NCOA6: variants seen among roughly 807,000 people sequenced by gnomAD.
NCOA6 encodes NRC RAP250.
NCOA6 carries 49 observed loss-of-function variants against 171.4 expected under a neutral mutation model. That is an observed-to-expected ratio of 0.29 (90% confidence interval 0.23 to 0.36). NCOA6 has a LOEUF of 0.36. Among genes scored for constraint, NCOA6 ranks in the 10% least tolerant of loss-of-function variants. The pLI is 1.00. For synonymous variants in NCOA6, 910 were observed against 927.5 expected (o/e 0.98, Z 0.34); for missense variants, 2,248 against 2,554.5 (o/e 0.88, Z 2.59).
chr20:34,738,876 T>C (rs113921126), intron 11 of NCOA6: 16,047 of 456,042 alleles, frequency 0.035, 397 homozygotes, highest in Non-Finnish European at 0.054. Context: ...TTTGTGTTCT[T>C]TCTGCCTCTC....
At chr20:34,816,926 G>C (rs1159938173) in intron 1 of NCOA6, among the ~76,000 whole-genome samples, 1 of 151,692 alleles carries the variant, frequency 6.6e-6, no homozygotes, top group Non-Finnish European at 1.5e-5. Flanking sequence ...TTCGAGACCA[G>C]CCTGACCAAT....
At chr20:34,760,722 A>G (rs886873478) in intron 5 of NCOA6, among the ~76,000 whole-genome samples, 2 of 152,226 alleles carry the variant, frequency 1.3e-5, no homozygotes, top group Admixed American at 6.5e-5. Flanking sequence ...TTATTAAATT[A>G]TAATTTTGCC....
intron 2 of NCOA6, among the ~76,000 whole-genome samples, chr20:34,790,345 A>T (rs938068169): frequency 4.6e-5 from 7 of 151,910 alleles, no homozygotes; most frequent in Non-Finnish European, 8.8e-5. Context: ...TATTTATTTT[A>T]TTATTTATTT....
Position 34,782,315 on chromosome 20 carries a change from G to A in NCOA6, c.41C>T (p.Thr14Ile). 6.2e-7 allele frequency: 1 copy of A among 1,610,650 alleles called. No individual in the cohort carries two copies. The change falls in exon 3 of 15, where the codon ACT (threonine) becomes ATT (isoleucine). Residue 14 changes from threonine (T) to isoleucine (I), a missense_variant. Thr to Ile is a moderately conservative substitution (Grantham distance 89, BLOSUM62 -1). Coordinates refer to ENST00000359003, the MANE Select transcript of NCOA6 (RefSeq NM_014071.5). ...TTCCATTGTTGATGAACACAAGGAAGTATAGATGTCTTCTAAGTTTGGAAG... is the reference window on the plus strand; with the variant it reads ...TTCCATTGTTGATGAACACAAGGAAATATAGATGTCTTCTAAGTTTGGAAG... Reference protein sequence around the residue: ...DDLPNLEDIYTSLCSSTMEDS... With the variant: ...DDLPNLEDIYISLCSSTMEDS...
intron 8 of NCOA6, among the ~76,000 whole-genome samples, chr20:34,751,242 C>T (rs6119518): frequency 0.021 from 3,052 of 148,292 alleles, 56 homozygotes; most frequent in Middle Eastern, 0.055. Context: ...CGGTGGCAGG[C>T]GCCTGTAGTC....
At chr20:34,765,448 A>AG (rs2076953558) in intron 5 of NCOA6, among the ~76,000 whole-genome samples, 1 of 151,998 alleles carries the variant, frequency 6.6e-6, no homozygotes, top group African/African-American at 2.4e-5. Context: ...TCAAAAAAAA[A>AG]AAAAAAAAAG....
intron 1 of NCOA6, among the ~76,000 whole-genome samples, chr20:34,811,742 T>C (rs1327121829): frequency 2.0e-5 from 3 of 152,188 alleles, no homozygotes; most frequent in Non-Finnish European, 4.4e-5. Context: ...ATTTCATGAA[T>C]GCCTCCATCT....
At chr20:34,824,105 C>G (rs2079085472) in intron 1 of NCOA6, among the ~76,000 whole-genome samples, 1 of 152,184 alleles carries the variant, frequency 6.6e-6, no homozygotes, top group Non-Finnish European at 1.5e-5. Flanking sequence ...TTCCCTTCAG[C>G]CTTTGTATTG....
chr20:34,756,684 A>G (rs745577075), intron 7 of NCOA6, among the ~76,000 whole-genome samples: 1 of 152,222 alleles, frequency 6.6e-6, no homozygotes, highest in South Asian at 2.1e-4. Context: ...TCTAAGGAGC[A>G]GGCATTGGCA....
chr20:34,736,494 C>A (rs1367386242), intron 12 of NCOA6, among the ~76,000 whole-genome samples, 196 bp downstream of exon 12: 1 of 152,148 alleles, frequency 6.6e-6, no homozygotes, highest in African/African-American at 2.4e-5. Flanking sequence ...CATGAGAGAG[C>A]AAGCTGGTCG....
At position 34,736,752 on chromosome 20, in the gene NCOA6, G is replaced by A. The variant is rs770451699; in HGVS notation, c.5900C>T (p.Ser1967Leu). The stretch of plus-strand genomic sequence containing the variant: ...AGTTTCCTTTGAGACTAAATTCTGC[G>A]ACGGGGCTAAGGCAAGGAAAAAAAA... ...HPELLPSIAP[S>L]QNLVSKETST... Residue 1967 changes from serine (S) to leucine (L), a missense_variant, in exon 12 of 15, where the codon TCG (serine) becomes TTG (leucine). Ser to Leu is a moderately radical substitution (Grantham distance 145). Around this residue, in one of 7 missense-constraint regions of NCOA6, gnomAD observed 884 missense variants for 941.9 expected, o/e 0.94. Coordinates refer to ENST00000359003, the MANE Select transcript of NCOA6 (RefSeq NM_014071.5). 6 of 1,610,140 alleles carry A rather than the reference G, an allele frequency of 3.7e-6. No homozygotes were observed. The Admixed American group carries it at 5.0e-5, about 14-fold the overall frequency.
intron 5 of NCOA6, among the ~76,000 whole-genome samples, chr20:34,761,569 C>T (rs1001060520): frequency 2.6e-5 from 4 of 151,868 alleles, no homozygotes; most frequent in African/African-American, 9.7e-5. Flanking sequence ...GAAACGTGCT[C>T]TTGGAATAAT....
rs757406536 is a variant in NCOA6 at position 34,740,982 on chromosome 20, G to A, written c.5274C>T (p.Pro1758=). ...TCAATTCTTTCACTTGCTGCACAGGGGGATGAGAAGGGACAACTGGAGAAG... is the reference window on the plus strand; with the variant it reads ...TCAATTCTTTCACTTGCTGCACAGGAGGATGAGAAGGGACAACTGGAGAAG... ...CTSSPVVPSH[P]PVQQVKELNP... Residue 1758 remains proline (P), a synonymous_variant, in exon 11 of 15, where the codon CCC becomes CCT. Transcript: ENST00000359003. 1 of 1,614,208 alleles carries A rather than the reference G, an allele frequency of 6.2e-7. No homozygotes were observed.
chr20:34,792,847 T>C (rs1206374790), intron 1 of NCOA6, among the ~76,000 whole-genome samples: 1 of 146,472 alleles, frequency 6.8e-6, no homozygotes, highest in African/African-American at 2.5e-5. Flanking sequence ...TAACAGATCA[T>C]AGCTCACTGC....
chr20:34,730,341 T>C (rs1012636257), intron 13 of NCOA6, among the ~76,000 whole-genome samples: 2 of 151,958 alleles, frequency 1.3e-5, no homozygotes, highest in African/African-American at 4.8e-5. Context: ...CCCTCCTTGG[T>C]CTCCCAAAAT....
intron 4 of NCOA6, among the ~76,000 whole-genome samples, chr20:34,771,897 C>A (rs981677849): frequency 2.0e-5 from 3 of 152,170 alleles, no homozygotes; most frequent in Non-Finnish European, 2.9e-5. Context: ...GAGCACATTC[C>A]ATGTAATCAT....
chr20:34,779,400 G>C (rs1416833898), intron 3 of NCOA6, among the ~76,000 whole-genome samples: 1 of 152,268 alleles, frequency 6.6e-6, no homozygotes, highest in Admixed American at 6.5e-5. Context: ...TGTAGTCCCA[G>C]CTACTTGGGA....
At chr20:34,803,495 AC>A (rs2078327754) in intron 1 of NCOA6, among the ~76,000 whole-genome samples, 1 of 151,962 alleles carries the variant, frequency 6.6e-6, no homozygotes, top group Admixed American at 6.6e-5. Flanking sequence ...AAACAAAAAA[AC>A]AAAGTGAAAT....
chr20:34,804,970 C>T (rs188667065), intron 1 of NCOA6, among the ~76,000 whole-genome samples: 69 of 152,038 alleles, frequency 4.5e-4, no homozygotes, highest in African/African-American at 1.6e-3. Context: ...ATCCATTAAC[C>T]AGTCTCTTTT....
Sources: gnomAD v4.1 joint callset for allele counts (sites outside exome capture counted in the v4.1 genomes callset) on GRCh38, gnomAD v4.1.1 for gene constraint, gnomAD v4.1.1 regional missense constraint, MANE v1.5 for transcripts, NCBI Gene and HGNC (gene_info 2026-07-23, HGNC 2026-07-21) for gene names.